ALPK1: variants seen among roughly 807,000 people sequenced by gnomAD.
ALPK1 encodes the protein alpha kinase 1.
ALPK1 carries 110 observed loss-of-function variants against 120.6 expected under a neutral mutation model. The ratio of observed to expected loss-of-function variants is 0.91; its 90% CI spans 0.78 to 1.07. ALPK1 has a LOEUF of 1.07. Among genes scored for constraint, ALPK1 ranks in the 50% least tolerant of loss-of-function variants. The probability of loss-of-function intolerance (pLI) is 0.00; values close to 1 mark genes in which losing one functional copy is unlikely to be tolerated. For missense variants in ALPK1, 1,498 were observed against 1,483.9 expected (o/e 1.01, Z -0.16); for synonymous variants, 582 against 560.3 (o/e 1.04, Z -0.55).
intron 2 of ALPK1, among the ~76,000 whole-genome samples, chr4:112,329,317 T>C (rs572048650): frequency 5.9e-5 from 9 of 152,158 alleles, no homozygotes; most frequent in Admixed American, 1.3e-4. Flanking sequence ...GTCCAATCCA[T>C]TTATTTTTAC....
At chr4:112,428,975 G>A (rs1021683075) in intron 9 of ALPK1, among the ~76,000 whole-genome samples, 174 bp from the exon 10 acceptor site, 1 of 152,216 alleles carries the variant, frequency 6.6e-6, no homozygotes, top group African/African-American at 2.4e-5. Context: ...AAAAAGGAAA[G>A]TCAACACCTT....
At chr4:112,402,313 A>C (rs1732953764) in intron 4 of ALPK1, among the ~76,000 whole-genome samples, 1 of 152,224 alleles carries the variant, frequency 6.6e-6, no homozygotes, top group East Asian at 1.9e-4. Flanking sequence ...TGCTGTGAAC[A>C]CATCACAGCT....
At chr4:112,398,162 C>T (rs1732748536) in intron 4 of ALPK1, among the ~76,000 whole-genome samples, 1 of 152,050 alleles carries the variant, frequency 6.6e-6, no homozygotes, top group Non-Finnish European at 1.5e-5. Flanking sequence ...AATACAAAGA[C>T]TTGTTGGAGG....
chr4:112,310,721 C>A (rs1447445878), intron 1 of ALPK1, among the ~76,000 whole-genome samples: 1 of 152,028 alleles, frequency 6.6e-6, no homozygotes, highest in African/African-American at 2.4e-5. Flanking sequence ...ATTTTCTCAT[C>A]CATAACATGA....
chr4:112,412,105 G>A, intron 5 of ALPK1, 80 bp downstream of exon 5: 2 of 1,557,108 alleles, frequency 1.3e-6, no homozygotes. Context: ...TGACCTCTGT[G>A]GGACACCCGG....
chr4:112,394,595 C>G (rs143177071), intron 4 of ALPK1, among the ~76,000 whole-genome samples: 1 of 152,126 alleles, frequency 6.6e-6, no homozygotes, highest in African/African-American at 2.4e-5. Flanking sequence ...TAAAACTCTG[C>G]CAAAAACTGC....
intron 12 of ALPK1, among the ~76,000 whole-genome samples, chr4:112,435,718 A>C (rs1384237757): frequency 6.6e-6 from 1 of 152,260 alleles, no homozygotes; most frequent in Non-Finnish European, 1.5e-5. Context: ...CCAGGGATGA[A>C]GCCTGTTCAG....
At chr4:112,366,154 C>T (rs568866182) in intron 2 of ALPK1, among the ~76,000 whole-genome samples, 3 of 152,172 alleles carry the variant, frequency 2.0e-5, no homozygotes, top group African/African-American at 7.2e-5. Flanking sequence ...CAGGCAAAGA[C>T]TTCTTGACCA....
chr4:112,317,678 A>AT (rs1428602561), intron 2 of ALPK1, among the ~76,000 whole-genome samples: 3 of 152,096 alleles, frequency 2.0e-5, no homozygotes, highest in Admixed American at 1.3e-4. Context: ...TTTTTTCAAA[A>AT]TTTTTTTAGC....
At position 112,430,717 on chromosome 4, in the gene ALPK1, C is replaced by T; in HGVS notation, c.1170C>T (p.Tyr390=). ...GTAAGGAAGCAATGGGGAAGCTGTACAATTTCAGCACTTCCTCCAGAAGTC... is the reference window on the plus strand; with the variant it reads ...GTAAGGAAGCAATGGGGAAGCTGTATAATTTCAGCACTTCCTCCAGAAGTC... ...QLCKEAMGKL[Y]NFSTSSRSQD... The change falls in exon 11 of 16, where the codon TAC becomes TAT. Residue 390 remains tyrosine (Y), a synonymous_variant. Coordinates refer to ENST00000650871, the MANE Select transcript of ALPK1 (RefSeq NM_025144.4). The T allele has an allele frequency of 6.2e-7, 1 of 1,614,214 alleles. No individual in the cohort carries two copies. The highest frequency in any genetic ancestry group is 8.5e-7 in the Non-Finnish European group (1 of 1,180,044).
chr4:112,352,901 T>C (rs6533606), intron 2 of ALPK1: 54,102 of 150,198 alleles, frequency 0.36, 9,985 homozygotes, highest in East Asian at 0.53. Context: ...CCTTTCTTTC[T>C]CTTTCTTTCT....
chr4:112,320,081 T>C (rs1386608906), intron 2 of ALPK1, among the ~76,000 whole-genome samples: 2 of 152,240 alleles, frequency 1.3e-5, no homozygotes, highest in African/African-American at 4.8e-5. Flanking sequence ...CAGTGCTATG[T>C]TGAATAGAAG....
intron 1 of ALPK1, among the ~76,000 whole-genome samples, chr4:112,301,728 G>T (rs2110518187): frequency 6.6e-6 from 1 of 152,216 alleles, no homozygotes; most frequent in Non-Finnish European, 1.5e-5. Flanking sequence ...TTCTGTATCA[G>T]CAGTCTCACA....
At position 112,315,789 on chromosome 4, in the gene ALPK1, T is replaced by C. The variant is rs182476307; in HGVS notation, c.-152-12T>C. ...ACAAAGTCCTCTGTTTTTATGTCTT[T>C]TTCTTAACTAGGAAGTTCTTCTAAA... On this transcript the variant is annotated splice_polypyrimidine_tract_variant and intron_variant, in intron 1 of 15. Coordinates refer to ENST00000650871, the MANE Select transcript of ALPK1 (RefSeq NM_025144.4). The C allele has an allele frequency of 2.0e-5, 3 of 152,360 alleles. No homozygotes were observed. Among genetic ancestry groups the C allele is most frequent in the Non-Finnish European group, 4.4e-5 (3 of 68,030 alleles). 9.4% of individuals were successfully genotyped at this position (152,360 alleles called of 1,614,324 possible).
intron 2 of ALPK1, among the ~76,000 whole-genome samples, chr4:112,349,612 G>GAT (rs1730257635): frequency 7.2e-6 from 1 of 139,316 alleles, no homozygotes; most frequent in Non-Finnish European, 1.5e-5. Context: ...AGAGTGCAGT[G>GAT]GTGCAATCTT....
At chr4:112,329,483 A>G (rs909918654) in intron 2 of ALPK1, among the ~76,000 whole-genome samples, 5 of 152,222 alleles carry the variant, frequency 3.3e-5, no homozygotes, top group African/African-American at 1.2e-4. Flanking sequence ...CAAAACAAAG[A>G]AAGCCCTTGG....
intron 2 of ALPK1, chr4:112,358,417 G>A (rs1730748906): frequency 4.7e-6 from 3 of 640,648 alleles, no homozygotes. Flanking sequence ...CTGTCAGGGT[G>A]ACTAAGTCAA....
At chr4:112,356,644 T>C in intron 2 of ALPK1, 2 of 816,544 alleles carry the variant, frequency 2.4e-6, no homozygotes, top group Non-Finnish European at 2.1e-6. Flanking sequence ...AGTCGCTCTG[T>C]CATTTCTACA....
chr4:112,335,262 TAAA>T (rs577049601), intron 2 of ALPK1, among the ~76,000 whole-genome samples: 3 of 102,076 alleles, frequency 2.9e-5, no homozygotes, highest in African/African-American at 3.4e-5. Context: ...AAAATCTGTC[TAAA>T]AAAAAAAAAA....
Sources: gnomAD v4.1 joint callset for allele counts (sites outside exome capture counted in the v4.1 genomes callset) on GRCh38, gnomAD v4.1.1 for gene constraint, MANE v1.5 for transcripts, NCBI Gene and HGNC (gene_info 2026-07-23, HGNC 2026-07-21) for gene names.